Variants in CNKSR3 observed in about 807,000 individuals in gnomAD.
The protein encoded by CNKSR3 is connector enhancer of kinase suppressor of ras 3.
Under a neutral mutation model 67.7 loss-of-function variants are expected in CNKSR3, and 36 were observed. That is an observed-to-expected ratio of 0.53 (90% CI 0.41 to 0.70). CNKSR3 has a LOEUF of 0.70. Among genes scored for constraint, CNKSR3 ranks in the 30% least tolerant of loss-of-function variants. CNKSR3 has a pLI of 0.00. For synonymous variants in CNKSR3, 281 were observed against 271.4 expected (o/e 1.04, Z -0.35); for missense variants, 630 against 695.2 (o/e 0.91, Z 1.05).
chr6:154,496,942 T>C (rs1582904190), intron 1 of CNKSR3, among the ~76,000 whole-genome samples: 2 of 152,312 alleles, frequency 1.3e-5, no homozygotes, highest in Admixed American at 1.3e-4. Flanking sequence ...CTATTTGCTA[T>C]CTACGCAAGC....
chr6:154,495,258 G>A (rs1462539206), intron 1 of CNKSR3, among the ~76,000 whole-genome samples: 1 of 151,894 alleles, frequency 6.6e-6, no homozygotes, highest in Non-Finnish European at 1.5e-5. Context: ...TATCAAGGAA[G>A]ATGTATCATC....
chr6:154,453,440 A>C (rs1400463728), intron 1 of CNKSR3, among the ~76,000 whole-genome samples: 1 of 152,194 alleles, frequency 6.6e-6, no homozygotes, highest in Non-Finnish European at 1.5e-5. Flanking sequence ...AACTAACCAG[A>C]ATCTCCTTGA....
intron 1 of CNKSR3, among the ~76,000 whole-genome samples, chr6:154,502,860 G>A (rs751909681): frequency 1.3e-5 from 2 of 152,258 alleles, no homozygotes; most frequent in Admixed American, 6.5e-5. Context: ...AGGCAAGAAC[G>A]CTCAGGTCCG....
At position 154,497,115 on chromosome 6, in the gene CNKSR3, C is replaced by T. The variant is rs373546335; in HGVS notation, c.52+12948G>A. Among the ~76,000 whole-genome samples the T allele has an allele frequency of 3.2e-4, 49 of 152,220 alleles. 1 individual carries two copies. Among genetic ancestry groups the T allele is most frequent in the Middle Eastern group, 3.4e-3 (1 of 294 alleles). On this transcript the variant is annotated intron_variant, in intron 1 of 12. Transcript: ENST00000607772. ...GATAAAGGCCAGGCGCGGTGGCTCA[C>T]TCCTGCAATCCCGGCACTTTGGGAG...
Position 154,462,295 on chromosome 6 carries a change from C to T in CNKSR3, c.53-12037G>A, listed in dbSNP as rs73794105. Among the ~76,000 whole-genome samples, 958 of 147,002 alleles carry T rather than the reference C, an allele frequency of 6.5e-3. 9 individuals carry two copies. Among genetic ancestry groups the T allele is most frequent in the African/African-American group, 0.023 (912 of 40,068 alleles). ...CCCCCCACCCTGTCAGTATTCTTTCCGGTGAACCTGTCTGACCCTCAACCC... is the reference window on the plus strand; with the variant it reads ...CCCCCCACCCTGTCAGTATTCTTTCTGGTGAACCTGTCTGACCCTCAACCC... On this transcript the variant is annotated intron_variant, in intron 1 of 12. Coordinates refer to ENST00000607772, the MANE Select transcript of CNKSR3 (RefSeq NM_173515.4).
intron 1 of CNKSR3, among the ~76,000 whole-genome samples, chr6:154,459,228 G>A (rs1292742487): frequency 1.3e-5 from 2 of 151,770 alleles, no homozygotes; most frequent in South Asian, 2.1e-4. Context: ...CATGTAAGTC[G>A]GGTTTTGACC....
At position 154,484,493 on chromosome 6, in the gene CNKSR3, C is replaced by A. The variant is rs188851860; in HGVS notation, c.52+25570G>T. 3.1e-4 allele frequency among the ~76,000 whole-genome samples: 47 copies of A among 152,206 alleles called. No individual in the cohort carries two copies. The East Asian group carries it at 7.2e-3, about 23-fold the overall frequency. ...GGCCAAGGCGGGCAGATCACAAGGT[C>A]AGGAGTTCGAGACCAGCCTGACCAA... On this transcript the variant is annotated intron_variant, in intron 1 of 12. Transcript: ENST00000607772.
intron 1 of CNKSR3, among the ~76,000 whole-genome samples, chr6:154,503,675 A>G (rs1787041331): frequency 6.6e-6 from 1 of 151,856 alleles, no homozygotes. Context: ...AGAACTCTTC[A>G]AGGAATAAGG....
chr6:154,441,132 T>C (rs945594152), intron 4 of CNKSR3, among the ~76,000 whole-genome samples, 160 bp downstream of exon 4: 5 of 150,182 alleles, frequency 3.3e-5, no homozygotes, highest in Admixed American at 6.7e-5. Context: ...TACAATGATC[T>C]AATTTAAAGC....
intron 9 of CNKSR3, among the ~76,000 whole-genome samples, chr6:154,418,483 G>A (rs1466990621): frequency 3.3e-5 from 5 of 152,080 alleles, no homozygotes; most frequent in Admixed American, 1.3e-4. Flanking sequence ...GCTCCCATCC[G>A]CCAATGCAAA....
intron 1 of CNKSR3, among the ~76,000 whole-genome samples, chr6:154,452,014 C>T (rs544207161): frequency 6.6e-6 from 1 of 152,306 alleles, no homozygotes; most frequent in East Asian, 1.9e-4. Flanking sequence ...CAACACCCTA[C>T]CTGGGCTGCA....
chr6:154,469,232 T>C (rs1180728149), intron 1 of CNKSR3, among the ~76,000 whole-genome samples: 1 of 152,168 alleles, frequency 6.6e-6, no homozygotes, highest in Non-Finnish European at 1.5e-5. Flanking sequence ...TGCAACTGAT[T>C]GGCTACCTCT....
intron 1 of CNKSR3, among the ~76,000 whole-genome samples, chr6:154,496,579 T>A (rs953959516): frequency 3.2e-4 from 49 of 152,354 alleles, no homozygotes; most frequent in Admixed American, 9.1e-4. Context: ...TTGTCTTTTT[T>A]AAATATACAG....
chr6:154,503,600 T>C (rs1582908107), intron 1 of CNKSR3, among the ~76,000 whole-genome samples: 1 of 151,090 alleles, frequency 6.6e-6, no homozygotes, highest in East Asian at 1.9e-4. Flanking sequence ...GTACCACTGC[T>C]TTCTAACCTG....
At chr6:154,442,846 G>A (rs1341605876) in intron 2 of CNKSR3, among the ~76,000 whole-genome samples, 2 of 151,708 alleles carry the variant, frequency 1.3e-5, no homozygotes, top group South Asian at 2.1e-4. Context: ...CCCCAAATGC[G>A]CCTCCTACAA....
chr6:154,449,604 C>A (rs557497385), intron 2 of CNKSR3, among the ~76,000 whole-genome samples: 6 of 152,358 alleles, frequency 3.9e-5, no homozygotes, highest in African/African-American at 1.2e-4. Context: ...GGATTATAGG[C>A]ATGAGCCACT....
chr6:154,410,250 T>C, intron 12 of CNKSR3, 93 bp downstream of exon 12: 1 of 836,036 alleles, frequency 1.2e-6, no homozygotes, highest in Non-Finnish European at 2.0e-6. Flanking sequence ...TCAGTCTACT[T>C]ATTATAACAC....
intron 4 of CNKSR3, among the ~76,000 whole-genome samples, chr6:154,439,675 C>T (rs11756980): frequency 0.28 from 42,413 of 151,984 alleles, 6,927 homozygotes; most frequent in Non-Finnish European, 0.38. Context: ...GGGAATTACT[C>T]GAGGCCAGGA....
chr6:154,406,181 T>C lies in CNKSR3; in HGVS notation c.*173A>G, dbSNP rs574765834. Reference sequence around the variant, plus strand: ...CAGCACCTAAGATCCTCTGAATTTGTTCCCATCCAATCCTGCAAACTTCCA... The same window carrying C: ...CAGCACCTAAGATCCTCTGAATTTGCTCCCATCCAATCCTGCAAACTTCCA... On this transcript the variant is annotated 3_prime_UTR_variant, in exon 13 of 13. Transcript: ENST00000607772. The C allele has an allele frequency of 2.3e-4, 144 of 631,870 alleles. No individual in the cohort carries two copies. Among genetic ancestry groups the C allele is most frequent in the African/African-American group, 2.0e-3 (109 of 54,538 alleles). The allele number at this position is 631,870 out of a possible 1,614,324, so 39.1% of individuals were successfully genotyped here.
Sources: allele counts gnomAD v4.1 joint callset (sites outside exome capture counted in the v4.1 genomes callset), GRCh38; gene constraint gnomAD v4.1.1; transcripts MANE v1.5; gene names NCBI Gene and HGNC (gene_info 2026-07-23, HGNC 2026-07-21).